Variants in ATP8B1 observed in about 807,000 individuals in gnomAD.
The protein encoded by ATP8B1 is ATPase phospholipid transporting 8B1.
In ATP8B1, 80 loss-of-function variants were observed where a neutral mutation model predicts 149.9. The observed-to-expected ratio is 0.53, with a 90% CI of 0.45 to 0.64. The LOEUF (loss-of-function observed/expected upper bound fraction) is 0.64, where lower values mean the gene tolerates loss of function less well. Ranked by LOEUF, ATP8B1 falls within the 30% of genes least tolerant of loss-of-function variation. ATP8B1 has a pLI of 0.00. For missense variants in ATP8B1, 1,247 were observed against 1,552.6 expected, an observed-to-expected ratio of 0.80 and a Z score of 3.31; for synonymous variants, 536 against 562.8, an observed-to-expected ratio of 0.95 and a Z score of 0.67.
chr18:57,662,523 G>T lies in ATP8B1; in HGVS notation c.2378C>A (p.Pro793His). ...GATGATTAAGGCACGGTTTCCACCG[G>T]GTGGAAAAAAAGATTCCTGCACAGG... ...APPVQESFFP[P>H]GGNRALIITG... Residue 793 changes from proline to histidine, a missense_variant, in exon 21 of 28, where the codon CCC becomes CAC. Physicochemically the swap from Pro to His is moderately conservative, Grantham distance 77. Coordinates refer to ENST00000648908, the MANE Select transcript of ATP8B1 (RefSeq NM_001374385.1). The T allele has an allele frequency of 6.2e-7, 1 of 1,614,080 alleles. No homozygotes were observed. The highest frequency in any genetic ancestry group is 1.1e-5 in the South Asian group (1 of 91,072).
intron 1 of ATP8B1, among the ~76,000 whole-genome samples, chr18:57,787,417 C>G (rs2080419938): frequency 7.4e-6 from 1 of 134,702 alleles, no homozygotes; most frequent in Non-Finnish European, 1.7e-5. Context: ...GGGAGGAGCT[C>G]CATCTAGAAC....
At chr18:57,660,540 A>ATG (rs1186283473) in intron 22 of ATP8B1, among the ~76,000 whole-genome samples, 1 of 152,130 alleles carries the variant, frequency 6.6e-6, no homozygotes, top group Non-Finnish European at 1.5e-5. Flanking sequence ...TTTTTTTGAG[A>ATG]TGGAGTCTCA....
rs35130227 is a variant in ATP8B1, at chr18:57,731,813, T to C, written c.-6A>G. 6.2e-7 allele frequency: 1 copy of C among 1,613,912 alleles called. No individual in the cohort carries two copies. The highest frequency in any genetic ancestry group is 1.3e-5 in the African/African-American group (1 of 74,914). ...GAGTCTCTTTCTGTACTCATTCTGC[T>C]GGCAAATTGGAACTACCTGCTTAAA... On this transcript the variant is annotated 5_prime_UTR_variant, in exon 2 of 28. Coordinates refer to ENST00000648908, the MANE Select transcript of ATP8B1 (RefSeq NM_001374385.1).
At chr18:57,727,612 A>G in intron 2 of ATP8B1, among the ~76,000 whole-genome samples, 1 of 151,932 alleles carries the variant, frequency 6.6e-6, no homozygotes, top group Admixed American at 6.6e-5. Context: ...AACATGGTGA[A>G]ACTCTGTCTC....
In ATP8B1 at chr18:57,683,596, A is replaced by G. The variant is rs74344729; in HGVS notation, c.1630+440T>C. ...TATTATTTCAAACCCAAACTATAACAGAATCTAGTAAATAAGAGCATATAT... is the reference window on the plus strand; with the variant it reads ...TATTATTTCAAACCCAAACTATAACGGAATCTAGTAAATAAGAGCATATAT... On this transcript the variant is annotated intron_variant, in intron 15 of 27. Coordinates refer to ENST00000648908, the MANE Select transcript of ATP8B1 (RefSeq NM_001374385.1). Among the ~76,000 whole-genome samples, 438 of 152,348 alleles carry G rather than the reference A, an allele frequency of 2.9e-3. 1 individual carries two copies. Among genetic ancestry groups the G allele is most frequent in the Middle Eastern group, 0.017 (5 of 294 alleles).
rs571767160 is a variant in ATP8B1 at position 57,766,375 on chromosome 18, A to T, written c.-25-34543T>A. 3.9e-5 allele frequency among the ~76,000 whole-genome samples: 6 copies of T among 152,136 alleles called. No homozygotes were observed. The East Asian group carries it at 1.2e-3, about 29-fold the overall frequency. On this transcript the variant is annotated intron_variant, in intron 1 of 27. Transcript: ENST00000648908. ...ATCTCCTTTGGAGAAAGGAGAAGAG[A>T]TTTAAACTGATTTCAACTAAAAAAT...
chr18:57,697,919 G>A, intron 6 of ATP8B1, 52 bp from the exon 7 acceptor site: 1 of 1,449,668 alleles, frequency 6.9e-7, no homozygotes, highest in Non-Finnish European at 9.7e-7. Flanking sequence ...TACAGGCAAG[G>A]GAATTACTAT....
intron 15 of ATP8B1, among the ~76,000 whole-genome samples, chr18:57,680,375 C>T (rs1302100259): frequency 1.4e-5 from 2 of 147,590 alleles, no homozygotes; most frequent in African/African-American, 2.5e-5. Context: ...TACTTGAGGT[C>T]GGGAGTTTAA....
At chr18:57,778,228 C>CTTTTTT (rs5825238) in intron 1 of ATP8B1, among the ~76,000 whole-genome samples, 12 of 97,656 alleles carry the variant, frequency 1.2e-4, no homozygotes, top group Non-Finnish European at 1.7e-4. Context: ...TTTTCTTTTT[C>CTTTTTT]TTTTTTTTTT....
At chr18:57,688,713 A>T in intron 12 of ATP8B1, 3 of 596,200 alleles carry the variant, frequency 5.0e-6, no homozygotes, top group South Asian at 1.9e-5. Context: ...TCATTAGGTC[A>T]TGAGGGCTCC....
chr18:57,801,471 A>G (rs959912201), intron 1 of ATP8B1, among the ~76,000 whole-genome samples: 8 of 152,236 alleles, frequency 5.3e-5, no homozygotes, highest in Non-Finnish European at 1.0e-4. Flanking sequence ...AGGGTTTAAT[A>G]AAGCCTTCAA....
intron 1 of ATP8B1, among the ~76,000 whole-genome samples, chr18:57,788,764 A>G (rs964285386): frequency 9.2e-5 from 14 of 152,158 alleles, no homozygotes; most frequent in African/African-American, 2.9e-4. Flanking sequence ...AAGTGCTTTA[A>G]AAATGTAAAG....
intron 18 of ATP8B1, 152 bp from the exon 19 acceptor site, chr18:57,668,692 G>A (rs1020803104): frequency 1.4e-5 from 8 of 587,212 alleles, no homozygotes; most frequent in Non-Finnish European, 2.4e-5. Context: ...TAACAGGGAA[G>A]GCTGCCATGT....
At chr18:57,771,891 G>A (rs553008114) in intron 1 of ATP8B1, among the ~76,000 whole-genome samples, 1 of 152,132 alleles carries the variant, frequency 6.6e-6, no homozygotes, top group East Asian at 1.9e-4. Flanking sequence ...AGTTAGCTCT[G>A]CCTTTAGCTG....
rs1912368464 is a variant in ATP8B1, at chr18:57,688,437, CCTT to C, written c.1288_1290del (p.Lys430del). The C allele has an allele frequency of 1.2e-6, 2 of 1,614,014 alleles. No homozygotes were observed. Among genetic ancestry groups the C allele is most frequent in the African/African-American group, 1.3e-5 (1 of 74,910 alleles). On this transcript the variant is annotated inframe_deletion, in exon 13 of 28. Transcript: ENST00000648908. ...GTGGTTCTAGCTTTTGCGGGTGTGT[CCTT>C]CTCAGCATAGTACATTTGCAGGTCC... is the stretch of plus-strand genomic sequence containing the variant.
In ATP8B1 at chr18:57,713,329, C is replaced by T. The variant is rs557885139; in HGVS notation, c.182-6742G>A. ...CTTTCTTTTCAGAGATAGAGTCTTG[C>T]TATTTTGCCCAGGCTGGAGTGCAAT... On this transcript the variant is annotated intron_variant, in intron 2 of 27. Coordinates refer to ENST00000648908, the MANE Select transcript of ATP8B1 (RefSeq NM_001374385.1). Among the ~76,000 whole-genome samples, 9 of 146,422 alleles carry T rather than the reference C, an allele frequency of 6.1e-5. No individual in the cohort carries two copies. In the South Asian group the frequency reaches 1.8e-3, roughly 29 times the overall value.
Position 57,648,423 on chromosome 18 carries a change from C to T in ATP8B1, c.*65G>A. The T allele has an allele frequency of 6.5e-7, 1 of 1,542,704 alleles. No homozygotes were observed. The highest frequency in any genetic ancestry group is 1.7e-5 in the Admixed American group (1 of 59,916). ...TGCAATTCACACACACACACAAAGT[C>T]CTGAGAGTCTTTCATAAAAAAATAG... On this transcript the variant is annotated 3_prime_UTR_variant, in exon 28 of 28. Transcript: ENST00000648908.
intron 15 of ATP8B1, among the ~76,000 whole-genome samples, chr18:57,676,717 CAA>C (rs58101846): frequency 8.2e-4 from 76 of 92,198 alleles, no homozygotes; most frequent in Admixed American, 2.5e-3. Context: ...GACTCCATTT[CAA>C]AAAAAAAAAA....
At chr18:57,772,674 C>T (rs1028376623) in intron 1 of ATP8B1, among the ~76,000 whole-genome samples, 1 of 152,140 alleles carries the variant, frequency 6.6e-6, no homozygotes, top group African/African-American at 2.4e-5. Context: ...TGGTGAGCAA[C>T]GTGGCTCCTG....
Sources: gnomAD v4.1 joint callset for allele counts (sites outside exome capture counted in the v4.1 genomes callset) on GRCh38, gnomAD v4.1.1 for gene constraint, MANE v1.5 for transcripts, NCBI Gene and HGNC (gene_info 2026-07-23, HGNC 2026-07-21) for gene names.